IFIT3: variants seen among roughly 807,000 people sequenced by gnomAD.
IFIT3 encodes the protein interferon induced protein with tetratricopeptide repeats 3.
A neutral mutation model predicts 2.4 loss-of-function variants in IFIT3; 2 were observed. The observed-to-expected ratio is 0.82, with a 90% CI of 0.34 to 2.60. The LOEUF (loss-of-function observed/expected upper bound fraction) is 2.60, where lower values mean the gene tolerates loss of function less well. IFIT3 is among the 30% of genes most tolerant of loss of function. The pLI, the probability that IFIT3 is intolerant of heterozygous loss-of-function variation, is 0.11. For missense variants in IFIT3, 481 were observed against 562.4 expected (o/e 0.86, Z 1.46); for synonymous variants, 203 against 212.1 (o/e 0.96, Z 0.37).
intron 1 of IFIT3, among the ~76,000 whole-genome samples, chr10:89,330,266 T>C (rs1018025325): frequency 3.9e-5 from 6 of 152,200 alleles, no homozygotes; most frequent in African/African-American, 9.6e-5. Flanking sequence ...ATTTCTATTA[T>C]TAGCCTCATT....
At chr10:89,328,104 A>C (rs1564786985) in intron 1 of IFIT3, 26 bp downstream of exon 1, 5 of 1,612,604 alleles carry the variant, frequency 3.1e-6, no homozygotes, top group Admixed American at 1.7e-5. Flanking sequence ...ATGCATAATC[A>C]TGCTTGTTTT....
At chr10:89,331,284 C>T (rs34712773) in intron 1 of IFIT3, among the ~76,000 whole-genome samples, 37,892 of 151,982 alleles carry the variant, frequency 0.25, 5,033 homozygotes, top group African/African-American at 0.32. Context: ...GGGATTCTCC[C>T]ACCCAGCCTC....
intron 1 of IFIT3, among the ~76,000 whole-genome samples, chr10:89,329,414 CAGGGTCCTGTCTTT>C (rs1843628772): frequency 6.6e-6 from 1 of 152,158 alleles, no homozygotes; most frequent in Non-Finnish European, 1.5e-5. Context: ...AAAGGTTTTA[CAGGGTCCTGTCTTT>C]AGGTGTGTCT....
In IFIT3 at chr10:89,340,129, G is replaced by A. The variant is rs778996510; in HGVS notation, c.*1G>A. 6.3e-7 allele frequency: 1 copy of A among 1,577,744 alleles called. No homozygotes were observed. The highest frequency in any genetic ancestry group is 2.2e-5 in the East Asian group (1 of 44,482). On this transcript the variant is annotated 3_prime_UTR_variant, in exon 2 of 2. Coordinates refer to ENST00000371818, the MANE Select transcript of IFIT3 (RefSeq NM_001549.6). ...CTCTAACTCAGAGCAACTGAACTGA[G>A]ACAGAGGAGGAAAACAGAGCATCAG... is the stretch of plus-strand genomic sequence containing the variant.
In IFIT3 at chr10:89,339,336, G is replaced by A. The variant is rs775119341; in HGVS notation, c.681G>A (p.Glu227=). 6 of 1,613,564 alleles carry A rather than the reference G, an allele frequency of 3.7e-6. No individual in the cohort carries two copies. Among genetic ancestry groups the A allele is most frequent in the Non-Finnish European group, 5.1e-6 (6 of 1,179,856 alleles). Residue 227 remains glutamate, a synonymous_variant, in exon 2 of 2, where the codon GAG becomes GAA. Transcript: ENST00000371818. ...AGATGAATAAAGAAGCTGAAGGAGA[G>A]CAGTTTGTTGAAGAAGCCTTGGAAA... ...LQKMNKEAEG[E]QFVEEALEKS... is the part of the protein sequence containing the mutation.
intron 1 of IFIT3, among the ~76,000 whole-genome samples, chr10:89,336,128 G>A (rs1843734934): frequency 6.6e-6 from 1 of 150,576 alleles, no homozygotes; most frequent in African/African-American, 2.4e-5. Context: ...AAGGAAGGAA[G>A]GGAGGAAAGA....
At chr10:89,338,142 T>C (rs1843776257) in intron 1 of IFIT3, 1 of 154,134 alleles carries the variant, frequency 6.5e-6, no homozygotes, top group East Asian at 1.9e-4. Flanking sequence ...AACCCCATCA[T>C]AAGTCAAGGA....
chr10:89,328,319 TG>T (rs940017627), intron 1 of IFIT3, among the ~76,000 whole-genome samples: 6 of 151,830 alleles, frequency 4.0e-5, no homozygotes, highest in Non-Finnish European at 8.8e-5. Context: ...GGAGGCAGGG[TG>T]GGGAATGCAT....
chr10:89,335,703 T>C (rs1843727509), intron 1 of IFIT3, among the ~76,000 whole-genome samples: 1 of 152,204 alleles, frequency 6.6e-6, no homozygotes, highest in Admixed American at 6.5e-5. Context: ...AGCTATTTTT[T>C]TCAGGCACCC....
chr10:89,328,387 C>G (rs1843619781), intron 1 of IFIT3, among the ~76,000 whole-genome samples: 1 of 152,172 alleles, frequency 6.6e-6, no homozygotes, highest in Non-Finnish European at 1.5e-5. Context: ...GAAGGCTTGG[C>G]AGGAGCGGTG....
rs1699591317 is a variant in IFIT3 at position 89,331,436 on chromosome 10, G to C, written c.5+3358G>C. Among the ~76,000 whole-genome samples the C allele has an allele frequency of 2.0e-5, 3 of 152,222 alleles. No homozygotes were observed. In the South Asian group the frequency reaches 6.2e-4, roughly 31 times the overall value. The stretch of plus-strand genomic sequence containing the variant: ...GATGCACCCACCTTGGCCTCCCAAA[G>C]TGCTGAGATTACAGGCGTGAGCCTC... On this transcript the variant is annotated intron_variant, in intron 1 of 1. Transcript: ENST00000371818.
intron 1 of IFIT3, among the ~76,000 whole-genome samples, chr10:89,328,504 GC>G (rs1458725780): frequency 1.3e-5 from 2 of 150,122 alleles, no homozygotes; most frequent in Non-Finnish European, 2.9e-5. Context: ...TAAGTCACAG[GC>G]TTTTTTTCTT....
chr10:89,328,947 C>G (rs980377707), intron 1 of IFIT3, among the ~76,000 whole-genome samples: 5 of 152,064 alleles, frequency 3.3e-5, no homozygotes, highest in Admixed American at 2.0e-4. Flanking sequence ...AAACATTTAC[C>G]AAAACTCATC....
At chr10:89,334,071 C>T (rs1035934143) in intron 1 of IFIT3, among the ~76,000 whole-genome samples, 1 of 152,246 alleles carries the variant, frequency 6.6e-6, no homozygotes, top group Non-Finnish European at 1.5e-5. Context: ...ACAAGCTGCA[C>T]ATGTGCAGAC....
At chr10:89,338,615 T>C in intron 1 of IFIT3, 46 bp from the exon 2 acceptor site, 1 of 1,557,978 alleles carries the variant, frequency 6.4e-7, no homozygotes, top group Non-Finnish European at 8.7e-7. Context: ...CAGGGTGCAG[T>C]GCTTGGCAGT....
Position 89,338,700 on chromosome 10 carries a change from G to A in IFIT3, c.45G>A (p.Gln15=), listed in dbSNP as rs756759138. ...ATTCCCTGGAGAAAATCCTTCCACAGCTGAAATGCCATTTCACCTGGAACT... is the reference window on the plus strand; with the variant it reads ...ATTCCCTGGAGAAAATCCTTCCACAACTGAAATGCCATTTCACCTGGAACT... The part of the protein sequence containing the change: ...TKNSLEKILP[Q]LKCHFTWNLF... The change falls in exon 2 of 2, where the codon CAG becomes CAA. Residue 15 remains glutamine (Q), a synonymous_variant. Transcript: ENST00000371818. 8 of 1,613,668 alleles carry A rather than the reference G, an allele frequency of 5.0e-6. 1 individual carries two copies. In the Middle Eastern group the frequency reaches 6.6e-4, roughly 133 times the overall value.
intron 1 of IFIT3, among the ~76,000 whole-genome samples, chr10:89,328,395 G>A (rs1304807603): frequency 6.6e-6 from 1 of 152,164 alleles, no homozygotes; most frequent in Non-Finnish European, 1.5e-5. Context: ...GGCAGGAGCG[G>A]TGTATTTCAC....
intron 1 of IFIT3, among the ~76,000 whole-genome samples, chr10:89,336,015 C>G (rs1305148199): frequency 2.0e-5 from 3 of 152,100 alleles, no homozygotes; most frequent in Non-Finnish European, 2.9e-5. Context: ...GTGGTTCACA[C>G]CTGTAATCCC....
At chr10:89,335,399 T>C (rs904722241) in intron 1 of IFIT3, 2 of 152,146 alleles carry the variant, frequency 1.3e-5, no homozygotes, top group African/African-American at 4.8e-5. Context: ...CAACACTTTC[T>C]TGAGCAATTG....
Sources: gnomAD v4.1 joint callset for allele counts (sites outside exome capture counted in the v4.1 genomes callset) on GRCh38, gnomAD v4.1.1 for gene constraint, MANE v1.5 for transcripts, NCBI Gene and HGNC (gene_info 2026-07-23, HGNC 2026-07-21) for gene names.